PPP1R15B: variants seen among roughly 807,000 people sequenced by gnomAD.
PPP1R15B encodes the protein protein phosphatase 1, regulatory (inhibitor) subunit 15B.
PPP1R15B carries 31 observed loss-of-function variants against 53.9 expected under a neutral mutation model. The ratio of observed to expected loss-of-function variants is 0.58; its 90% confidence interval spans 0.43 to 0.78. PPP1R15B has a LOEUF of 0.78. PPP1R15B is among the 30% of genes least tolerant of loss of function. The pLI, the probability that PPP1R15B is intolerant of heterozygous loss-of-function variation, is 0.00. For synonymous variants in PPP1R15B, 345 were observed against 329.1 expected (o/e 1.05, Z -0.52); for missense variants, 928 against 849.6 (o/e 1.09, Z -1.15).
intron 1 of PPP1R15B, among the ~76,000 whole-genome samples, chr1:204,408,981 T>G (rs1674311486): frequency 6.6e-6 from 1 of 152,222 alleles, no homozygotes; most frequent in South Asian, 2.1e-4. Flanking sequence ...TTGGACCAGA[T>G]AAATCTGACT....
downstream of PPP1R15B, among the ~76,000 whole-genome samples, chr1:204,397,521 T>C (rs978928513): frequency 3.3e-5 from 5 of 151,904 alleles, no homozygotes; most frequent in East Asian, 7.7e-4. Flanking sequence ...AATAAATAAA[T>C]AGAAAAAGGA....
Position 204,411,220 on chromosome 1 carries a change from C to T in PPP1R15B, c.192G>A (p.Thr64=), listed in dbSNP as rs1403280019. 3.7e-6 allele frequency: 6 copies of T among 1,614,116 alleles called. No individual in the cohort carries two copies. The highest frequency in any genetic ancestry group is 4.2e-6 in the Non-Finnish European group (5 of 1,180,048). Residue 64 remains threonine, a synonymous_variant, in exon 1 of 2, where the codon ACG becomes ACA. Transcript: ENST00000367188. Reference sequence around the variant, plus strand: ...GCGCAAGGAGCTGGGAGAGCAGTTTCGTCCAGTAACTGACCCGAGTCTCGG... The same window carrying T: ...GCGCAAGGAGCTGGGAGAGCAGTTTTGTCCAGTAACTGACCCGAGTCTCGG... ...AQPETRVSYW[T]KLLSQLLAPL...
downstream of PPP1R15B, among the ~76,000 whole-genome samples, chr1:204,399,260 T>G (rs1287031918): frequency 6.6e-6 from 1 of 151,914 alleles, no homozygotes; most frequent in African/African-American, 2.4e-5. Context: ...CCATCTCTAT[T>G]TATATATATT....
downstream of PPP1R15B, among the ~76,000 whole-genome samples, chr1:204,398,131 A>G (rs1203256955): frequency 6.6e-6 from 1 of 152,206 alleles, no homozygotes; most frequent in Non-Finnish European, 1.5e-5. Flanking sequence ...ACAGAGGAAG[A>G]AAGGAAAGAG....
In PPP1R15B at chr1:204,411,453, C is replaced by A; in HGVS notation, c.-42G>T. 6.3e-7 allele frequency: 1 copy of A among 1,580,466 alleles called. No homozygotes were observed. Among genetic ancestry groups the A allele is most frequent in the Non-Finnish European group, 8.6e-7 (1 of 1,167,772 alleles). Reference sequence around the variant, plus strand: ...GTCTCTCAGGTAGGGCCGCGGCGCTCAGCGGCTGGAGGTCGACGGGATTCG... The same window carrying A: ...GTCTCTCAGGTAGGGCCGCGGCGCTAAGCGGCTGGAGGTCGACGGGATTCG... On this transcript the variant is annotated 5_prime_UTR_variant, in exon 1 of 2. Coordinates refer to ENST00000367188, the MANE Select transcript of PPP1R15B (RefSeq NM_032833.5).
Position 204,411,181 on chromosome 1 carries a change from C to A in PPP1R15B, c.231G>T (p.Leu77Phe), listed in dbSNP as rs752024052. 3 of 1,614,266 alleles carry A rather than the reference C, an allele frequency of 1.9e-6. No individual in the cohort carries two copies. The highest frequency in any genetic ancestry group is 2.5e-6 in the Non-Finnish European group (3 of 1,180,050). ...LSQLLAPLPGLLQKVLIWSQL... is the reference protein window; with the variant it reads ...LSQLLAPLPGFLQKVLIWSQL... ...GGCTCCAAATTAGCACCTTCTGAAG[C>A]AATCCGGGGAGCGGCGCAAGGAGCT... Residue 77 changes from leucine to phenylalanine, a missense_variant, in exon 1 of 2, where the codon TTG (leucine) becomes TTT (phenylalanine). By Grantham distance (22) the Leu-to-Phe change is conservative. Transcript: ENST00000367188.
downstream of PPP1R15B, chr1:204,400,886 CAAG>C (rs1674169359): frequency 8.1e-6 from 2 of 247,082 alleles, no homozygotes. Context: ...TAAAAGATTA[CAAG>C]AACAAAACCT....
chr1:204,411,357 G>A lies in PPP1R15B; in HGVS notation c.55C>T (p.Arg19Trp), dbSNP rs761080801. The A allele has an allele frequency of 6.2e-7, 1 of 1,613,628 alleles. No individual in the cohort carries two copies. Among genetic ancestry groups the A allele is most frequent in the African/African-American group, 1.3e-5 (1 of 74,946 alleles). ...RKRLGPRAGF[R>W]FWPPFFPRRS... ...CGAGGGAAAAAGGGTGGCCAGAACC[G>A]GAAGCCCGCCCGAGGGCCAAGCCGT... The change falls in exon 1 of 2, where the codon CGG becomes TGG. Residue 19 changes from arginine to tryptophan, a missense_variant. Physicochemically the swap from Arg to Trp is moderately radical, Grantham distance 101 (BLOSUM62 -3). Coordinates refer to ENST00000367188, the MANE Select transcript of PPP1R15B (RefSeq NM_032833.5).
rs747780003 is a variant in PPP1R15B at position 204,410,370 on chromosome 1, G to A, written c.1042C>T (p.Pro348Ser). 1.9e-6 allele frequency: 3 copies of A among 1,614,036 alleles called. No homozygotes were observed. The highest frequency in any genetic ancestry group is 4.5e-5 in the East Asian group (2 of 44,896). ...HCRDNPTQFV[P>S]AAGDIPGNTQ... The stretch of plus-strand genomic sequence containing the variant: ...TTTCCAGGAATGTCTCCAGCAGCAG[G>A]AACAAACTGTGTTGGGTTATCTCTG... The change falls in exon 1 of 2, where the codon CCT (proline) becomes TCT (serine). Residue 348 changes from proline (P) to serine (S), a missense_variant. By Grantham distance (74) the Pro-to-Ser change is moderately conservative. Transcript: ENST00000367188.
chr1:204,405,428 A>G lies in PPP1R15B; in HGVS notation c.*664T>C. 2.0e-6 allele frequency: 2 copies of G among 985,128 alleles called. No individual in the cohort carries two copies. Among genetic ancestry groups the G allele is most frequent in the Non-Finnish European group, 2.4e-6 (2 of 829,656 alleles). 61.0% of individuals were successfully genotyped at this position (985,128 alleles called of 1,614,324 possible). ...TTCCCAAAGTAGTAAAGTACTGCAC[A>G]TATGGGTTTTGTGGCAGTCCTTGGA... On this transcript the variant is annotated 3_prime_UTR_variant, in exon 2 of 2. Coordinates refer to ENST00000367188, the MANE Select transcript of PPP1R15B (RefSeq NM_032833.5).
rs145128747 is a variant in PPP1R15B at position 204,411,701 on chromosome 1, C to T, written c.-290G>A. On this transcript the variant is annotated 5_prime_UTR_variant, in exon 1 of 2. Transcript: ENST00000367188. ...ACGCTTCAACACCATGGATAGGAGT[C>T]CCCCCACGGCCTCGGCGATGGTTTT... The T allele has an allele frequency of 4.0e-6, 2 of 494,220 alleles. No individual in the cohort carries two copies. Among genetic ancestry groups the T allele is most frequent in the East Asian group, 3.6e-5 (1 of 28,030 alleles). 30.6% of individuals were successfully genotyped at this position (494,220 alleles called of 1,614,324 possible).
rs112018878 is a variant in PPP1R15B at position 204,405,553 on chromosome 1, C to T, written c.*539G>A. On this transcript the variant is annotated 3_prime_UTR_variant, in exon 2 of 2. Transcript: ENST00000367188. ...AAAAAAAAAGTGACACAAAATAATG[C>T]ACTTTAAGTTGGTAGCATACACAAG... is the stretch of plus-strand genomic sequence containing the variant. The T allele has an allele frequency of 0.032, 31,826 of 980,932 alleles. 591 individuals carry two copies. Among genetic ancestry groups the T allele is most frequent in the Middle Eastern group, 0.048 (92 of 1,910 alleles). 60.8% of individuals were successfully genotyped at this position (980,932 alleles called of 1,614,324 possible). A position where few individuals can be genotyped will look rare whatever the true frequency, so the allele number is the denominator to read the frequency against.
chr1:204,403,508 T>G lies in PPP1R15B; in HGVS notation c.*2584A>C, dbSNP rs1239911910. ...AAATTATTGATCTGTAGAAGCCAAT[T>G]TAGAGTCTTCTAGTCCCCTAACTTT... On this transcript the variant is annotated 3_prime_UTR_variant, in exon 2 of 2. Coordinates refer to ENST00000367188, the MANE Select transcript of PPP1R15B (RefSeq NM_032833.5). The G allele has an allele frequency of 1.1e-6, 1 of 946,412 alleles. No homozygotes were observed. Among genetic ancestry groups the G allele is most frequent in the Non-Finnish European group, 1.3e-6 (1 of 794,180 alleles). 58.6% of individuals were successfully genotyped at this position (946,412 alleles called of 1,614,324 possible). A position where few individuals can be genotyped will look rare whatever the true frequency, so the allele number is the denominator to read the frequency against.
At position 204,406,612 on chromosome 1, in the gene PPP1R15B, C is replaced by T. The variant is rs548401523; in HGVS notation, c.1921-299G>A. On this transcript the variant is annotated intron_variant, in intron 1 of 1. Coordinates refer to ENST00000367188, the MANE Select transcript of PPP1R15B (RefSeq NM_032833.5). The stretch of plus-strand genomic sequence containing the variant: ...TAAAAATACGAAAAAATTAGCCAGG[C>T]GTGGTGGCACATGCCTGTAATCCCA... Among the ~76,000 whole-genome samples, 32 of 152,088 alleles carry T rather than the reference C, an allele frequency of 2.1e-4. No homozygotes were observed. The East Asian group carries it at 5.6e-3, about 27-fold the overall frequency.
Position 204,409,679 on chromosome 1 carries a change from G to T in PPP1R15B, c.1733C>A (p.Ser578Ter). 2.5e-6 allele frequency: 4 copies of T among 1,614,066 alleles called. No individual in the cohort carries two copies. Among genetic ancestry groups the T allele is most frequent in the Non-Finnish European group, 3.4e-6 (4 of 1,180,016 alleles). The stretch of plus-strand genomic sequence containing the variant: ...ACGACAGCCTTTCTCATTTTCCCCT[G>T]ATGTTTGAAAAGGAGCCTTAAAATT... ...PLNFKAPFQT[S>*]GENEKGCRDS... The change falls in exon 1 of 2, where the codon TCA becomes TAA. Residue 578 changes from serine to a stop codon, truncating the protein, a stop_gained. Coordinates refer to ENST00000367188, the MANE Select transcript of PPP1R15B (RefSeq NM_032833.5). LOFTEE classifies it high-confidence loss of function.
At chr1:204,396,127 T>C (rs140843064), downstream of PPP1R15B, among the ~76,000 whole-genome samples, 6 of 152,006 alleles carry the variant, frequency 3.9e-5, no homozygotes, top group East Asian at 1.9e-4. Flanking sequence ...CTCAAAAGCA[T>C]TACAGTAAAG....
chr1:204,409,501 T>G lies in PPP1R15B; in HGVS notation c.1911A>C (p.Lys637Asn). ...AAGACAAGAAACAAACCTTTTTTCT[T>G]TTGACATGTGTGTGTCTTCCTCCAG... ...VLSGGRHTHV[K>N]RKKVTFLEEV... Residue 637 changes from lysine (K) to asparagine (N), a missense_variant, in exon 1 of 2, where the codon AAA becomes AAC. By Grantham distance (94) the Lys-to-Asn change is moderately conservative. Transcript: ENST00000367188. 1 of 1,606,396 alleles carries G rather than the reference T, an allele frequency of 6.2e-7. No homozygotes were observed. Among genetic ancestry groups the G allele is most frequent in the Non-Finnish European group, 8.5e-7 (1 of 1,176,716 alleles).
In PPP1R15B at chr1:204,411,425, A is replaced by G. The variant is rs1346611131; in HGVS notation, c.-14T>C. On this transcript the variant is annotated 5_prime_UTR_variant, in exon 1 of 2. Transcript: ENST00000367188. ...CCCCGGCTCCATCTCCTTTTTCTTG[A>G]CAGTCTCTCAGGTAGGGCCGCGGCG... The G allele has an allele frequency of 3.7e-6, 6 of 1,606,978 alleles. No homozygotes were observed. Among genetic ancestry groups the G allele is most frequent in the Non-Finnish European group, 5.1e-6 (6 of 1,178,264 alleles).
chr1:204,411,441 G>A lies in PPP1R15B; in HGVS notation c.-30C>T, dbSNP rs965730030. ...TTTTTCTTGACAGTCTCTCAGGTAG[G>A]GCCGCGGCGCTCAGCGGCTGGAGGT... On this transcript the variant is annotated 5_prime_UTR_variant, in exon 1 of 2. Transcript: ENST00000367188. 1.3e-6 allele frequency: 2 copies of A among 1,592,042 alleles called. No homozygotes were observed. Among genetic ancestry groups the A allele is most frequent in the South Asian group, 1.1e-5 (1 of 89,308 alleles).
Sources: gnomAD v4.1 joint callset for allele counts (sites outside exome capture counted in the v4.1 genomes callset) on GRCh38, gnomAD v4.1.1 for gene constraint, MANE v1.5 for transcripts, NCBI Gene and HGNC (gene_info 2026-07-23, HGNC 2026-07-21) for gene names.